The following GPHN variants were observed in gnomAD, a reference collection of about 807,000 sequenced individuals.
GPHN encodes the protein gephyrin.
A neutral mutation model predicts 95.5 loss-of-function variants in GPHN; 17 were observed. The observed-to-expected ratio is 0.18, with a 90% CI of 0.12 to 0.27. The LOEUF is 0.27. GPHN is among the 10% of genes least tolerant of loss of function. The pLI, the probability that GPHN is intolerant of heterozygous loss-of-function variation, is 1.00. For synonymous variants in GPHN, 320 were observed against 322.5 expected, an observed-to-expected ratio of 0.99 and a Z score of 0.08; for missense variants, 660 against 978.1, an observed-to-expected ratio of 0.67 and a Z score of 4.34.
chr14:67,443,232 AG>A, the GPHN span, among the ~76,000 whole-genome samples: 3 of 151,866 alleles, frequency 2.0e-5, no homozygotes, highest in African/African-American at 7.2e-5. Flanking sequence ...AAAGAAAGAA[AG>A]AAAAAAAAAA....
At chr14:66,627,998 TA>T (rs2063587088) in intron 1 of GPHN, among the ~76,000 whole-genome samples, 1 of 152,242 alleles carries the variant, frequency 6.6e-6, no homozygotes, top group South Asian at 2.1e-4. Context: ...GGAATGTTTT[TA>T]TTGTCTTTTT....
chr14:66,748,050 T>G (rs980019894), intron 2 of GPHN, among the ~76,000 whole-genome samples: 2 of 152,038 alleles, frequency 1.3e-5, no homozygotes, highest in Non-Finnish European at 2.9e-5. Context: ...AAGCTTATTT[T>G]GTCATTCATC....
At chr14:67,496,004 C>T in the GPHN span, among the ~76,000 whole-genome samples, 5 of 152,190 alleles carry the variant, frequency 3.3e-5, no homozygotes, top group Non-Finnish European at 5.9e-5. Context: ...TTCACTGTCA[C>T]AGCTGTGTGT....
At chr14:67,688,373 G>C in the GPHN span, among the ~76,000 whole-genome samples, 1 of 152,124 alleles carries the variant, frequency 6.6e-6, no homozygotes, top group Non-Finnish European at 1.5e-5. Flanking sequence ...TACAATTAAG[G>C]GGTAAATCCA....
intron 17 of GPHN, among the ~76,000 whole-genome samples, chr14:67,125,065 A>G (rs2079218046): frequency 6.6e-6 from 1 of 152,180 alleles, no homozygotes; most frequent in African/African-American, 2.4e-5. Flanking sequence ...GAATGTACAA[A>G]TCTCTAGTGT....
At chr14:67,718,300 G>A in the GPHN span, among the ~76,000 whole-genome samples, 1 of 152,202 alleles carries the variant, frequency 6.6e-6, no homozygotes, top group African/African-American at 2.4e-5. Flanking sequence ...TAGGGAAGAG[G>A]AGAAGGAGGA....
chr14:67,099,443 T>G (rs1328933929), intron 12 of GPHN, among the ~76,000 whole-genome samples: 3 of 151,178 alleles, frequency 2.0e-5, no homozygotes, highest in African/African-American at 4.9e-5. Flanking sequence ...TTCTTAAACT[T>G]TAAAAAAAAA....
the GPHN span, among the ~76,000 whole-genome samples, chr14:67,504,303 C>T: frequency 2.0e-5 from 3 of 151,852 alleles, no homozygotes; most frequent in African/African-American, 4.8e-5. Flanking sequence ...CGTGAGCCAC[C>T]GTGCCCAGGC....
At chr14:66,954,248 T>TA (rs1242354448) in intron 8 of GPHN, among the ~76,000 whole-genome samples, 2 of 152,324 alleles carry the variant, frequency 1.3e-5, no homozygotes, top group African/African-American at 4.8e-5. Context: ...TTAACAATAT[T>TA]AAGTATTGCA....
the GPHN span, among the ~76,000 whole-genome samples, chr14:67,314,476 A>G: frequency 1.3e-5 from 2 of 152,176 alleles, no homozygotes; most frequent in African/African-American, 4.8e-5. Context: ...GGAGGAATGG[A>G]CTTCTTACAT....
chr14:67,717,023 T>C, the GPHN span, among the ~76,000 whole-genome samples: 1 of 152,244 alleles, frequency 6.6e-6, no homozygotes, highest in Admixed American at 6.5e-5. Context: ...TCTATCAATC[T>C]ACTTTATTTT....
At chr14:66,862,356 C>T (rs1386195917) in intron 4 of GPHN, among the ~76,000 whole-genome samples, 1 of 151,894 alleles carries the variant, frequency 6.6e-6, no homozygotes, top group Non-Finnish European at 1.5e-5. Context: ...AAAAGTATCC[C>T]AGTGAAGAAA....
chr14:66,696,638 T>G (rs2068115722), intron 2 of GPHN, among the ~76,000 whole-genome samples: 1 of 152,188 alleles, frequency 6.6e-6, no homozygotes, highest in African/African-American at 2.4e-5. Context: ...ACAGAAAAAC[T>G]GTGGTCCTAC....
At chr14:66,552,988 C>CTTTTCTT (rs1376518666) in intron 1 of GPHN, among the ~76,000 whole-genome samples, 1 of 131,850 alleles carries the variant, frequency 7.6e-6, no homozygotes, top group Admixed American at 7.5e-5. Context: ...TTTTTCTTTT[C>CTTTTCTT]TTTTCTTTTT....
intron 12 of GPHN, among the ~76,000 whole-genome samples, chr14:67,090,207 A>C (rs1443737676): frequency 6.6e-6 from 1 of 152,048 alleles, no homozygotes; most frequent in Non-Finnish European, 1.5e-5. Flanking sequence ...GGTACATGAG[A>C]TATGGAGTTA....
intron 17 of GPHN, among the ~76,000 whole-genome samples, chr14:67,124,611 G>T (rs143485690): frequency 2.0e-4 from 30 of 152,238 alleles, no homozygotes; most frequent in African/African-American, 6.5e-4. Context: ...AAAACACAAA[G>T]ATAAGGCAAG....
intron 2 of GPHN, chr14:66,709,422 G>A: frequency 8.8e-6 from 4 of 455,838 alleles, no homozygotes; most frequent in Admixed American, 2.4e-5. Flanking sequence ...CAAGTACTGC[G>A]ATACCACAAT....
At chr14:66,729,511 G>A (rs1203105820) in intron 2 of GPHN, among the ~76,000 whole-genome samples, 2 of 152,136 alleles carry the variant, frequency 1.3e-5, no homozygotes, top group East Asian at 3.8e-4. Flanking sequence ...CGATCTACGA[G>A]TAGTTGCCTG....
chr14:67,028,275 A>G (rs2074024989), intron 10 of GPHN, among the ~76,000 whole-genome samples: 1 of 152,206 alleles, frequency 6.6e-6, no homozygotes, highest in Non-Finnish European at 1.5e-5. Context: ...TTATTGATGG[A>G]CACAGTTTAA....
Sources: gnomAD v4.1 joint callset for allele counts (sites outside exome capture counted in the v4.1 genomes callset) on GRCh38, gnomAD v4.1.1 for gene constraint, MANE v1.5 for transcripts, NCBI Gene and HGNC (gene_info 2026-07-23, HGNC 2026-07-21) for gene names.